MIDEAS: variants seen among roughly 807,000 people sequenced by gnomAD.
The protein encoded by MIDEAS is mitotic deacetylase-associated SANT domain protein.
A neutral mutation model predicts 102.7 loss-of-function variants in MIDEAS; 26 were observed. The observed-to-expected ratio is 0.25, with a 90% CI of 0.19 to 0.35. MIDEAS has a LOEUF of 0.35. Ranked by LOEUF, MIDEAS falls within the 10% of genes least tolerant of loss-of-function variation. The pLI is 1.00. For synonymous variants in MIDEAS, 585 were observed against 591.0 expected (o/e 0.99, Z 0.15); for missense variants, 1,231 against 1,435.6 (o/e 0.86, Z 2.30).
At chr14:73,760,326 C>A (rs1000885269), upstream of MIDEAS, 1 of 152,238 alleles carries the variant, frequency 6.6e-6, no homozygotes, top group Non-Finnish European at 1.5e-5. This position sits in a 1 kb window ranked among gnomAD's most constrained non-coding sequence, Gnocchi z 4.8. Context: ...GCGGCCTCAG[C>A]CAGCAGGCCC....
Position 73,718,943 on chromosome 14 carries a change from G to A in MIDEAS, c.3200C>T (p.Ala1067Val). The part of the protein sequence containing the change: ...MKSHAEQEKK[A>V]AALRLKEKEA... Reference sequence around the variant, plus strand: ...TTTCTCCTTCAGCCTCAGCGCTGCAGCCTTCTTCTCCTGCTCTGCGTGGCT... The same window carrying A: ...TTTCTCCTTCAGCCTCAGCGCTGCAACCTTCTTCTCCTGCTCTGCGTGGCT... Residue 1067 changes from alanine to valine, a missense_variant, in exon 13 of 13, where the codon GCT (alanine) becomes GTT (valine). Physicochemically the swap from Ala to Val is moderately conservative, Grantham distance 64. Coordinates refer to ENST00000423556, the MANE Select transcript of MIDEAS (RefSeq NM_001367710.1). The A allele has an allele frequency of 3.3e-6, 5 of 1,525,804 alleles. No individual in the cohort carries two copies. The highest frequency in any genetic ancestry group is 4.4e-6 in the Non-Finnish European group (5 of 1,143,326). The allele number at this position is 1,525,804 out of a possible 1,614,324, so 94.5% of individuals were successfully genotyped here.
In MIDEAS at chr14:73,730,829, G is replaced by A. The variant is rs1315762640; in HGVS notation, c.1750-844C>T. ...AAAAATTAGCCGGGCATGGTGGCGG[G>A]TGCCTGTAATTTCAGCTACTCAGGA... is the stretch of plus-strand genomic sequence containing the variant. On this transcript the variant is annotated intron_variant, in intron 3 of 12. Transcript: ENST00000423556. 2.0e-5 allele frequency among the ~76,000 whole-genome samples: 3 copies of A among 152,172 alleles called. No individual in the cohort carries two copies. In the East Asian group the frequency reaches 5.8e-4, roughly 29 times the overall value.
chr14:73,772,391 C>G (rs2053649630), intron 1 of MIDEAS, among the ~76,000 whole-genome samples: 1 of 152,236 alleles, frequency 6.6e-6, no homozygotes, highest in African/African-American at 2.4e-5. Flanking sequence ...CCAATTTTTA[C>G]TATGGGCAGT....
chr14:73,758,258 C>T (rs1322964426), intron 1 of MIDEAS, among the ~76,000 whole-genome samples: 1 of 152,216 alleles, frequency 6.6e-6, no homozygotes, highest in Non-Finnish European at 1.5e-5. Flanking sequence ...TTCTCCTTTT[C>T]CCTGGGTTCT....
At chr14:73,756,854 T>G (rs765589961) in intron 1 of MIDEAS, among the ~76,000 whole-genome samples, 59 of 152,182 alleles carry the variant, frequency 3.9e-4, no homozygotes, top group Non-Finnish European at 2.9e-5. Flanking sequence ...TCACCCACGG[T>G]GGACTGACAT....
chr14:73,757,754 C>G (rs1178890794), intron 1 of MIDEAS, among the ~76,000 whole-genome samples: 2 of 152,224 alleles, frequency 1.3e-5, no homozygotes, highest in Non-Finnish European at 2.9e-5. Context: ...TCTGGGGACT[C>G]TAGACACAGG....
rs762644786 is a variant in MIDEAS, at chr14:73,738,966, C to T, written c.1043G>A (p.Arg348His). The change falls in exon 2 of 13, where the codon CGC becomes CAC. Residue 348 changes from arginine (R) to histidine (H), a missense_variant. Physicochemically the swap from Arg to His is conservative, Grantham distance 29. Around this residue, in one of 5 missense-constraint regions of MIDEAS, gnomAD observed 758 missense variants for 856.0 expected, o/e 0.89. Transcript: ENST00000423556. ...VQIPFPRRSR[R>H]LSKEGILPPS... ...AGGCAGGATACCCTCCTTAGAGAGG[C>T]GGCGGGAGCGGCGGGGGAAGGGGAT... The T allele has an allele frequency of 3.3e-6, 5 of 1,531,336 alleles. No homozygotes were observed. Among genetic ancestry groups the T allele is most frequent in the South Asian group, 1.3e-5 (1 of 76,954 alleles). 94.9% of individuals were successfully genotyped at this position (1,531,336 alleles called of 1,614,324 possible). A position where few individuals can be genotyped will look rare whatever the true frequency, so the allele number is the denominator to read the frequency against.
At chr14:73,775,448 G>A (rs1033589319) in intron 1 of MIDEAS, among the ~76,000 whole-genome samples, 1 of 152,046 alleles carries the variant, frequency 6.6e-6, no homozygotes, top group South Asian at 2.1e-4. Flanking sequence ...CAAGTTCAGT[G>A]TAAACTAGGC....
intron 1 of MIDEAS, among the ~76,000 whole-genome samples, chr14:73,751,200 G>T (rs952147319): frequency 2.6e-5 from 4 of 152,226 alleles, no homozygotes; most frequent in Non-Finnish European, 5.9e-5. Context: ...AATCTGAGAA[G>T]ACCTTAGGTC....
Position 73,726,639 on chromosome 14 carries a change from G to A in MIDEAS, c.2374C>T (p.Leu792=), listed in dbSNP as rs1360450603. 3 of 1,614,244 alleles carry A rather than the reference G, an allele frequency of 1.9e-6. No individual in the cohort carries two copies. Among genetic ancestry groups the A allele is most frequent in the Non-Finnish European group, 2.5e-6 (3 of 1,180,046 alleles). ...CCTCTGGATTCGTGCAGACAGTGCA[G>A]GGCCAGCTCCTGGTTGGTGCCAGCA... The part of the protein sequence containing the change: ...PGAGTNQELA[L]HCLHESRGDI... Residue 792 remains leucine, a synonymous_variant, in exon 7 of 13, where the codon CTG becomes TTG. Transcript: ENST00000423556.
chr14:73,734,770 CT>C (rs1016964619), intron 3 of MIDEAS, among the ~76,000 whole-genome samples: 11 of 152,134 alleles, frequency 7.2e-5, no homozygotes, highest in Non-Finnish European at 1.3e-4. Context: ...ATGTCCCATC[CT>C]TCAGATAATG....
At chr14:73,785,684 G>A (rs1181399540) in intron 1 of MIDEAS, among the ~76,000 whole-genome samples, 1 of 152,176 alleles carries the variant, frequency 6.6e-6, no homozygotes, top group African/African-American at 2.4e-5. Flanking sequence ...GTTTAGAGAG[G>A]TTGATAGCCA....
rs139450975 is a variant in MIDEAS, at chr14:73,746,173, G to C, written c.-247-5918C>G. 5.1e-3 allele frequency among the ~76,000 whole-genome samples: 780 copies of C among 152,328 alleles called. 9 individuals carry two copies. Among genetic ancestry groups the C allele is most frequent in the African/African-American group, 0.018 (746 of 41,570 alleles). Reference sequence around the variant, plus strand: ...AGGGCTCCGTCCAGTCTTCTACCTTGATTGCCTCCCTCCCCCATAGCCCCA... The same window carrying C: ...AGGGCTCCGTCCAGTCTTCTACCTTCATTGCCTCCCTCCCCCATAGCCCCA... On this transcript the variant is annotated intron_variant, in intron 1 of 12. Coordinates refer to ENST00000423556, the MANE Select transcript of MIDEAS (RefSeq NM_001367710.1).
chr14:73,729,802 A>C lies in MIDEAS; in HGVS notation c.1933T>G (p.Ser645Ala). Residue 645 changes from serine (S) to alanine (A), a missense_variant, in exon 4 of 13, where the codon TCT becomes GCT. Ser to Ala is a moderately conservative substitution (Grantham distance 99, BLOSUM62 1). Around this residue, in one of 5 missense-constraint regions of MIDEAS, gnomAD observed 758 missense variants for 856.0 expected, o/e 0.89. Coordinates refer to ENST00000423556, the MANE Select transcript of MIDEAS (RefSeq NM_001367710.1). ...RSPVRLADHP[S>A]ERSFELPPYT... ...GGAGGTAGCTCAAAGCTCCGCTCAG[A>C]GGGGTGGTCAGCTAGGCGCACGGGA... 1 of 1,613,688 alleles carries C rather than the reference A, an allele frequency of 6.2e-7. No individual in the cohort carries two copies. The highest frequency in any genetic ancestry group is 8.5e-7 in the Non-Finnish European group (1 of 1,179,942).
chr14:73,719,461 G>A lies in MIDEAS; in HGVS notation c.2978C>T (p.Ala993Val), dbSNP rs2052952793. ...GGCCTGGCCACCGGCAGACCCAGGG[G>A]CGTTGGACTCGTGGCTCCGGAGGAT... Reference protein sequence around the residue: ...ILILRSHESNAPGSAGGQASE... With the variant: ...ILILRSHESNVPGSAGGQASE... The change falls in exon 12 of 13, where the codon GCC (alanine) becomes GTC (valine). Residue 993 changes from alanine (A) to valine (V), a missense_variant. By Grantham distance (64) the Ala-to-Val change is moderately conservative. Transcript: ENST00000423556. 1 of 1,614,092 alleles carries A rather than the reference G, an allele frequency of 6.2e-7. No individual in the cohort carries two copies. The highest frequency in any genetic ancestry group is 1.7e-4 in the Middle Eastern group (1 of 6,054).
intron 3 of MIDEAS, among the ~76,000 whole-genome samples, chr14:73,734,689 C>G (rs756580430): frequency 1.3e-5 from 2 of 152,144 alleles, no homozygotes; most frequent in Non-Finnish European, 2.9e-5. Flanking sequence ...CCTTGGCCCC[C>G]CCAAAGTGCT....
chr14:73,730,730 GA>G (rs1453171537), intron 3 of MIDEAS, among the ~76,000 whole-genome samples: 3 of 151,554 alleles, frequency 2.0e-5, no homozygotes, highest in Non-Finnish European at 2.9e-5. Flanking sequence ...AGGTGGGGGG[GA>G]GGGGATCACT....
chr14:73,719,204 G>A (rs892808140), intron 12 of MIDEAS, 101 bp downstream of exon 12: 1 of 1,510,040 alleles, frequency 6.6e-7, no homozygotes, highest in Non-Finnish European at 8.8e-7. Flanking sequence ...AAACGAGGCG[G>A]ACACCGCCTG....
At chr14:73,757,329 G>T (rs2053497696) in intron 1 of MIDEAS, among the ~76,000 whole-genome samples, 1 of 142,778 alleles carries the variant, frequency 7.0e-6, no homozygotes, top group Non-Finnish European at 1.5e-5. Flanking sequence ...GCAGCATTGT[G>T]GGACCCATTC....
Sources: allele counts gnomAD v4.1 joint callset (sites outside exome capture counted in the v4.1 genomes callset), GRCh38; gene constraint gnomAD v4.1.1; regional missense constraint gnomAD v4.1.1; non-coding constraint Gnocchi (gnomAD v3.1); transcripts MANE v1.5; gene names NCBI Gene and HGNC (gene_info 2026-07-23, HGNC 2026-07-21).